MASTL: variants seen among roughly 807,000 people sequenced by gnomAD.
The protein encoded by MASTL is microtubule associated serine/threonine kinase like.
A neutral mutation model predicts 82.5 loss-of-function variants in MASTL; 54 were observed. The ratio of observed to expected loss-of-function variants is 0.65; its 90% confidence interval spans 0.53 to 0.82. The LOEUF is 0.82. MASTL is among the 40% of genes least tolerant of loss of function. The probability of loss-of-function intolerance (pLI) is 0.00; values close to 1 mark genes in which losing one functional copy is unlikely to be tolerated. For synonymous variants in MASTL, 323 were observed against 368.9 expected (o/e 0.88, Z 1.43); for missense variants, 950 against 1,047.8 (o/e 0.91, Z 1.29).
In MASTL at chr10:27,165,038, T is replaced by G. The variant is rs1241271540; in HGVS notation, c.554-26T>G. ...TGGGAGGTAAAGGTTTTAAATACATTTATATACTTTTCTTTGCATACATAG... is the reference window on the plus strand; with the variant it reads ...TGGGAGGTAAAGGTTTTAAATACATGTATATACTTTTCTTTGCATACATAG... On this transcript the variant is annotated intron_variant, in intron 4 of 11. Transcript: ENST00000375940. The G allele has an allele frequency of 2.9e-6, 4 of 1,380,254 alleles. No homozygotes were observed. The East Asian group carries it at 9.2e-5, about 32-fold the overall frequency. 85.5% of individuals were successfully genotyped at this position (1,380,254 alleles called of 1,614,324 possible).
chr10:27,167,109 A>T lies in MASTL; in HGVS notation c.819A>T (p.Glu273Asp). The T allele has an allele frequency of 6.2e-7, 1 of 1,613,668 alleles. No homozygotes were observed. Among genetic ancestry groups the T allele is most frequent in the Non-Finnish European group, 8.5e-7 (1 of 1,179,608 alleles). ...ATTGTCTCTTCTCTATAGGTCTTGA[A>T]ACAGTTGCCTCCAACCCAGGAATGC... ...YSSKLLKSCL[E>D]TVASNPGMPV... Residue 273 changes from glutamate (E) to aspartate (D), a missense_variant, in exon 7 of 12, where the codon GAA becomes GAT. Coordinates refer to ENST00000375940, the MANE Select transcript of MASTL (RefSeq NM_001172303.3).
intron 9 of MASTL, 92 bp downstream of exon 9, chr10:27,173,351 G>A (rs1046351190): frequency 1.4e-5 from 20 of 1,392,930 alleles, no homozygotes; most frequent in South Asian, 3.5e-5. Context: ...CAGTACTTAC[G>A]TTACCTAAAG....
At chr10:27,169,832 C>A in intron 7 of MASTL, 112 bp from the exon 8 acceptor site, 1 of 1,004,506 alleles carries the variant, frequency 1.0e-6, no homozygotes, top group Non-Finnish European at 1.5e-6. Context: ...AAAGTGGCAA[C>A]AGGTAGCATA....
At position 27,186,643 on chromosome 10, in the gene MASTL, C is replaced by T. The variant is rs2058769888; in HGVS notation, c.*107C>T. ...TAAGGGGGAAAGATCATTATTTAAC[C>T]TAGTTCAATGTGCTTTTAATGTACG... On this transcript the variant is annotated 3_prime_UTR_variant, in exon 12 of 12. Transcript: ENST00000375940. 4.8e-6 allele frequency: 5 copies of T among 1,048,724 alleles called. No homozygotes were observed. Among genetic ancestry groups the T allele is most frequent in the Non-Finnish European group, 7.5e-6 (5 of 671,072 alleles). 65.0% of individuals were successfully genotyped at this position (1,048,724 alleles called of 1,614,324 possible).
Position 27,171,060 on chromosome 10 carries a change from A to G in MASTL, c.2101A>G (p.Arg701Gly), listed in dbSNP as rs1412902935. 6.2e-7 allele frequency: 1 copy of G among 1,614,128 alleles called. No individual in the cohort carries two copies. The highest frequency in any genetic ancestry group is 2.2e-5 in the East Asian group (1 of 44,864). The stretch of plus-strand genomic sequence containing the variant: ...CATGGCTATAACCCCTACTCAAAAA[A>G]GAAGATCCTGTATGCCACATCAGGT... ...YPMAITPTQK[R>G]RSCMPHQQTP... The change falls in exon 8 of 12, where the codon AGA becomes GGA. Residue 701 changes from arginine (R) to glycine (G), a missense_variant. Transcript: ENST00000375940.
At chr10:27,169,840 A>G (rs2057862610) in intron 7 of MASTL, 104 bp from the exon 8 acceptor site, 2 of 1,126,478 alleles carry the variant, frequency 1.8e-6, no homozygotes, top group Non-Finnish European at 1.3e-6. Flanking sequence ...AACAGGTAGC[A>G]TAATAGTTTA....
At chr10:27,181,407 G>A (rs1588733415) in intron 10 of MASTL, 73 bp from the exon 11 acceptor site, 1 of 1,135,272 alleles carries the variant, frequency 8.8e-7, no homozygotes, top group East Asian at 2.4e-5. Flanking sequence ...ACAAAAAAAA[G>A]TAGTCATTTA....
chr10:27,155,214 C>A, upstream of MASTL: 2 of 591,522 alleles, frequency 3.4e-6, no homozygotes, highest in Non-Finnish European at 6.0e-6. Context: ...CCGCGGTCGC[C>A]GCCCACGAAG....
intron 9 of MASTL, among the ~76,000 whole-genome samples, chr10:27,175,173 T>TGTA (rs2058065208): frequency 8.6e-6 from 1 of 116,608 alleles, no homozygotes; most frequent in Non-Finnish European, 1.9e-5. Flanking sequence ...AATTCTTTTA[T>TGTA]TTATTATTTA....
chr10:27,178,674 T>C (rs7908566), intron 9 of MASTL, among the ~76,000 whole-genome samples: 15,136 of 121,038 alleles, frequency 0.13, 2,451 homozygotes, highest in African/African-American at 0.4. Context: ...AAATCATGTA[T>C]TTTTTTTTTT....
chr10:27,162,718 G>A (rs551201855), intron 4 of MASTL, among the ~76,000 whole-genome samples: 2 of 151,998 alleles, frequency 1.3e-5, no homozygotes, highest in Non-Finnish European at 2.9e-5. Flanking sequence ...GTAGACGGAT[G>A]GGAAAGTATT....
At chr10:27,158,773 G>T in intron 2 of MASTL, 87 bp downstream of exon 2, 1 of 1,452,004 alleles carries the variant, frequency 6.9e-7, no homozygotes, top group Non-Finnish European at 9.6e-7. Context: ...TTGGTTCAGA[G>T]TGCTTGCATT....
intron 9 of MASTL, among the ~76,000 whole-genome samples, chr10:27,180,538 T>C (rs1588722936): frequency 6.6e-6 from 1 of 152,156 alleles, no homozygotes; most frequent in South Asian, 2.1e-4. Flanking sequence ...ATTATAGGCA[T>C]GTGCCACCAC....
chr10:27,174,428 T>G (rs1483860866), intron 9 of MASTL, among the ~76,000 whole-genome samples: 1 of 152,114 alleles, frequency 6.6e-6, no homozygotes, highest in Non-Finnish European at 1.5e-5. Context: ...CTCTGAAAAC[T>G]GTTCCCTTCC....
chr10:27,155,312 G>C (rs971408515), upstream of MASTL: 208 of 1,034,364 alleles, frequency 2.0e-4, 1 homozygote, highest in South Asian at 2.7e-3. Flanking sequence ...GCGCGGCGGC[G>C]GGGTGACGTC....
At chr10:27,171,525 A>G (rs1224992871) in intron 8 of MASTL, among the ~76,000 whole-genome samples, 1 of 151,070 alleles carries the variant, frequency 6.6e-6, no homozygotes, top group Non-Finnish European at 1.5e-5. Context: ...CTTCACCCCC[A>G]GGTTCAAGCG....
intron 1 of MASTL, among the ~76,000 whole-genome samples, chr10:27,156,415 C>A (rs1174820820): frequency 6.6e-6 from 1 of 152,206 alleles, no homozygotes; most frequent in African/African-American, 2.4e-5. Context: ...AATTTTTCTA[C>A]CACAGAAGAG....
Position 27,173,218 on chromosome 10 carries a change from C to T in MASTL, c.2225C>T (p.Pro742Leu). The change falls in exon 9 of 12, where the codon CCA becomes CTA. Residue 742 changes from proline (P) to leucine (L), a missense_variant. Transcript: ENST00000375940. ...PVDDGRILGTPDYLAPELLLG... is the reference protein window; with the variant it reads ...PVDDGRILGTLDYLAPELLLG... ...GATGATGGGCGAATTCTAGGAACCCCAGACTACCTTGCACCTGAGCTGTTA... is the reference window on the plus strand; with the variant it reads ...GATGATGGGCGAATTCTAGGAACCCTAGACTACCTTGCACCTGAGCTGTTA... The T allele has an allele frequency of 6.2e-7, 1 of 1,614,176 alleles. No homozygotes were observed. The highest frequency in any genetic ancestry group is 8.5e-7 in the Non-Finnish European group (1 of 1,180,038).
chr10:27,155,269 C>T (rs1046669060), upstream of MASTL: 15 of 710,556 alleles, frequency 2.1e-5, no homozygotes, highest in African/African-American at 1.3e-4. Context: ...CCCCCTCCGT[C>T]CGCGTCTGCG....
Sources: gnomAD v4.1 joint callset for allele counts (sites outside exome capture counted in the v4.1 genomes callset) on GRCh38, gnomAD v4.1.1 for gene constraint, MANE v1.5 for transcripts, NCBI Gene and HGNC (gene_info 2026-07-23, HGNC 2026-07-21) for gene names.